The following ATP8A2 variants were observed in gnomAD, a reference collection of about 807,000 sequenced individuals.
ATP8A2 encodes the protein phospholipid-transporting ATPase IB.
A neutral mutation model predicts 165.6 loss-of-function variants in ATP8A2; 100 were observed. That is an observed-to-expected ratio of 0.60 (90% confidence interval 0.51 to 0.71). The LOEUF (loss-of-function observed/expected upper bound fraction) is 0.71. Among genes scored for constraint, ATP8A2 ranks in the 30% least tolerant of loss-of-function variants. ATP8A2 has a pLI of 0.00. For synonymous variants in ATP8A2, 543 were observed against 548.8 expected, an observed-to-expected ratio of 0.99 and a Z score of 0.15; for missense variants, 1,227 against 1,479.5, an observed-to-expected ratio of 0.83 and a Z score of 2.80.
Position 25,533,335 on chromosome 13 carries a change from G to C in ATP8A2, c.507+22G>C, listed in dbSNP as rs187290038. ...AGAGGTAAAAACTAATTTTAAAGAT[G>C]TACCAGTACTATTGGTTTGAAGACG... On this transcript the variant is annotated intron_variant, in intron 6 of 36. Coordinates refer to ENST00000381655, the MANE Select transcript of ATP8A2 (RefSeq NM_016529.6). 3 of 1,378,396 alleles carry C rather than the reference G, an allele frequency of 2.2e-6. 1 individual carries two copies. The South Asian group carries it at 3.6e-5, about 16-fold the overall frequency. The allele number at this position is 1,378,396 out of a possible 1,614,324, so 85.4% of individuals were successfully genotyped here.
chr13:25,633,288 T>C (rs1187859224), intron 24 of ATP8A2, among the ~76,000 whole-genome samples: 8 of 152,148 alleles, frequency 5.3e-5, no homozygotes, highest in Admixed American at 3.9e-4. Flanking sequence ...GAGGCTTCAT[T>C]ATATACCCTA....
chr13:25,815,467 T>G (rs1016396596), intron 27 of ATP8A2, among the ~76,000 whole-genome samples: 2 of 152,130 alleles, frequency 1.3e-5, no homozygotes, highest in Non-Finnish European at 2.9e-5. Context: ...ATTAAGGAAA[T>G]GTAATTCAAA....
intron 35 of ATP8A2, among the ~76,000 whole-genome samples, chr13:25,977,600 G>A (rs1464956119): frequency 6.6e-6 from 1 of 152,138 alleles, no homozygotes; most frequent in African/African-American, 2.4e-5. Context: ...TTGATTCTCT[G>A]TTATTTTAGG....
rs547791436 is a variant in ATP8A2, at chr13:25,887,538, A to G, written c.3183+25130A>G. On this transcript the variant is annotated intron_variant, in intron 33 of 36. Transcript: ENST00000381655. Reference sequence around the variant, plus strand: ...GTTTTTAGTAGAGACGGGTTTCACCATCTTGGCCAGGCTGGTCTTGAGCTC... The same window carrying G: ...GTTTTTAGTAGAGACGGGTTTCACCGTCTTGGCCAGGCTGGTCTTGAGCTC... Among the ~76,000 whole-genome samples, 154 of 152,262 alleles carry G rather than the reference A, an allele frequency of 1.0e-3. 1 individual carries two copies. Among genetic ancestry groups the G allele is most frequent in the Non-Finnish European group, 1.4e-3 (95 of 68,012 alleles).
chr13:25,952,068 G>C (rs1955382578), intron 33 of ATP8A2, among the ~76,000 whole-genome samples: 1 of 152,140 alleles, frequency 6.6e-6, no homozygotes, highest in South Asian at 2.1e-4. Flanking sequence ...TTATAGTAGG[G>C]ATGCAGGTGC....
At chr13:25,698,808 T>C (rs1170601437) in intron 24 of ATP8A2, among the ~76,000 whole-genome samples, 1 of 152,216 alleles carries the variant, frequency 6.6e-6, no homozygotes, top group Non-Finnish European at 1.5e-5. Context: ...GATTATCTTA[T>C]GCAAACTGAG....
chr13:25,536,106 GTTTTAA>G (rs2038274181), intron 6 of ATP8A2, among the ~76,000 whole-genome samples: 1 of 151,716 alleles, frequency 6.6e-6, no homozygotes, highest in East Asian at 1.9e-4. Context: ...ATATGAAATC[GTTTTAA>G]TTTTATTTTA....
intron 27 of ATP8A2, among the ~76,000 whole-genome samples, chr13:25,794,045 T>C (rs544540067): frequency 3.9e-5 from 6 of 152,210 alleles, no homozygotes; most frequent in Admixed American, 3.9e-4. Flanking sequence ...TCTTTCAAAC[T>C]TCTGTATATT....
chr13:25,488,794 T>C (rs1593388884), intron 2 of ATP8A2, among the ~76,000 whole-genome samples: 1 of 152,148 alleles, frequency 6.6e-6, no homozygotes, highest in East Asian at 1.9e-4. Context: ...TTATCTCATG[T>C]CTTGCTGTGT....
At chr13:25,588,779 C>G (rs889296929) in intron 23 of ATP8A2, among the ~76,000 whole-genome samples, 1 of 152,200 alleles carries the variant, frequency 6.6e-6, no homozygotes, top group Non-Finnish European at 1.5e-5. Context: ...GCTAACCCCC[C>G]AAGGCACTGA....
chr13:25,699,126 T>C, intron 24 of ATP8A2, 47 bp from the exon 25 acceptor site: 1 of 1,407,900 alleles, frequency 7.1e-7, no homozygotes, highest in Non-Finnish European at 9.5e-7. Flanking sequence ...TTGTTTTTGA[T>C]ATTAAACACA....
intron 24 of ATP8A2, among the ~76,000 whole-genome samples, chr13:25,597,730 A>G (rs999743025): frequency 1.3e-5 from 2 of 152,226 alleles, no homozygotes; most frequent in Admixed American, 1.3e-4. Flanking sequence ...TAAGCTGTGC[A>G]TGGATTTCTT....
intron 24 of ATP8A2, among the ~76,000 whole-genome samples, chr13:25,596,235 A>G (rs2040233182): frequency 6.6e-6 from 1 of 152,220 alleles, no homozygotes; most frequent in South Asian, 2.1e-4. Flanking sequence ...TTGATCTGCC[A>G]CAGACTTGGC....
At chr13:25,413,610 G>T (rs1424345258) in intron 1 of ATP8A2, among the ~76,000 whole-genome samples, 2 of 152,150 alleles carry the variant, frequency 1.3e-5, no homozygotes, top group Non-Finnish European at 2.9e-5. Flanking sequence ...AAATCTAAGT[G>T]AGCTTAGTTG....
At chr13:25,470,716 C>T (rs1173779758) in intron 2 of ATP8A2, among the ~76,000 whole-genome samples, 1 of 152,092 alleles carries the variant, frequency 6.6e-6, no homozygotes, top group East Asian at 1.9e-4. Context: ...ATCTAAATGT[C>T]CATCAGCTGA....
intron 2 of ATP8A2, among the ~76,000 whole-genome samples, chr13:25,487,569 G>A (rs2036390984): frequency 1.3e-5 from 2 of 152,150 alleles, no homozygotes; most frequent in South Asian, 4.1e-4. Context: ...TTGCATTTTA[G>A]ATAGTGTGTT....
rs1344729636 is a variant in ATP8A2 at position 25,833,211 on chromosome 13, G to A, written c.2755-3952G>A. ...TTTTAAAAGTCTTATTGAACAAATGGAAAAGCATACTATTTTCTTGTATGG... is the reference window on the plus strand; with the variant it reads ...TTTTAAAAGTCTTATTGAACAAATGAAAAAGCATACTATTTTCTTGTATGG... On this transcript the variant is annotated intron_variant, in intron 28 of 36. Coordinates refer to ENST00000381655, the MANE Select transcript of ATP8A2 (RefSeq NM_016529.6). Among the ~76,000 whole-genome samples, 3 of 151,778 alleles carry A rather than the reference G, an allele frequency of 2.0e-5. No individual in the cohort carries two copies. In the South Asian group the frequency reaches 6.3e-4, roughly 32 times the overall value.
intron 26 of ATP8A2, among the ~76,000 whole-genome samples, chr13:25,770,831 G>C (rs1187825732): frequency 6.6e-6 from 1 of 152,182 alleles, no homozygotes; most frequent in African/African-American, 2.4e-5. Flanking sequence ...GTGTTGAGGT[G>C]TTTGAAGAAT....
intron 27 of ATP8A2, among the ~76,000 whole-genome samples, chr13:25,816,964 ATG>A (rs1337500019): frequency 6.7e-6 from 1 of 149,434 alleles, no homozygotes; most frequent in African/African-American, 2.6e-5. Flanking sequence ...TATAAAACAC[ATG>A]TTCTCAAATA....
Sources: gnomAD v4.1 joint callset for allele counts (sites outside exome capture counted in the v4.1 genomes callset) on GRCh38, gnomAD v4.1.1 for gene constraint, MANE v1.5 for transcripts, NCBI Gene and HGNC (gene_info 2026-07-23, HGNC 2026-07-21) for gene names.